Variants in PUM3 observed in about 807,000 individuals in gnomAD.
PUM3 encodes the protein pumilio homolog 3.
In PUM3, 91 loss-of-function variants were observed where a neutral mutation model predicts 84.0. The observed-to-expected ratio is 1.08, with a 90% CI of 0.91 to 1.29. The LOEUF (loss-of-function observed/expected upper bound fraction) is 1.29, where lower values mean the gene tolerates loss of function less well. Ranked by LOEUF, PUM3 falls within the 50% of genes most tolerant of loss-of-function variation. PUM3 has a pLI of 0.00. For synonymous variants in PUM3, 321 were observed against 266.7 expected (o/e 1.20, Z -1.98); for missense variants, 1,067 against 767.5 (o/e 1.39, Z -4.61).
At position 2,831,287 on chromosome 9, in the gene PUM3, C is replaced by T. The variant is rs1228241840; in HGVS notation, c.574G>A (p.Glu192Lys). ...VIQCYIQYGN[E>K]EQRKQAFEEL... ...TCAAAAGCCTGTTTTCTCTGTTCTT[C>T]ATTACCATACTGAATGTAACACTGG... The change falls in exon 6 of 18, where the codon GAA becomes AAA. Residue 192 changes from glutamate to lysine, a missense_variant. Physicochemically the swap from Glu to Lys is moderately conservative, Grantham distance 56 (BLOSUM62 1). Transcript: ENST00000397885. The T allele has an allele frequency of 6.2e-7, 1 of 1,609,608 alleles. No homozygotes were observed. Among genetic ancestry groups the T allele is most frequent in the Non-Finnish European group, 8.5e-7 (1 of 1,177,986 alleles).
intron 8 of PUM3, among the ~76,000 whole-genome samples, chr9:2,829,228 T>G (rs1815907303): frequency 6.6e-6 from 1 of 152,224 alleles, no homozygotes; most frequent in South Asian, 2.1e-4. Flanking sequence ...GACACATGTG[T>G]GCATTTATGT....
At position 2,824,742 on chromosome 9, in the gene PUM3, T is replaced by A. The variant is rs769466046; in HGVS notation, c.1109A>T (p.His370Leu). 4.4e-6 allele frequency: 7 copies of A among 1,581,448 alleles called. No homozygotes were observed. Among genetic ancestry groups the A allele is most frequent in the Middle Eastern group, 1.7e-4 (1 of 5,986 alleles). ...HTHDGARVAMHCLWHGTPKDR... is the reference protein window; with the variant it reads ...HTHDGARVAMLCLWHGTPKDR... Reference sequence around the variant, plus strand: ...CTTGGGCGTGCCATGCCACAGGCAGTGCATGGCCACTCTGGCGCCATCGTG... The same window carrying A: ...CTTGGGCGTGCCATGCCACAGGCAGAGCATGGCCACTCTGGCGCCATCGTG... The change falls in exon 11 of 18, where the codon CAC becomes CTC. Residue 370 changes from histidine (H) to leucine (L), a missense_variant. His to Leu is a moderately conservative substitution (Grantham distance 99). Transcript: ENST00000397885.
intron 13 of PUM3, among the ~76,000 whole-genome samples, chr9:2,814,898 A>G (rs1166610312): frequency 6.6e-6 from 1 of 152,154 alleles, no homozygotes; most frequent in African/African-American, 2.4e-5. Context: ...TCCTTGGTAT[A>G]GGGAGGAGGC....
chr9:2,817,240 T>C (rs1225279183), intron 13 of PUM3, among the ~76,000 whole-genome samples: 1 of 152,242 alleles, frequency 6.6e-6, no homozygotes. Flanking sequence ...TATAGTCACA[T>C]GTAATAGAAT....
intron 14 of PUM3, 129 bp downstream of exon 14, chr9:2,812,091 C>G: frequency 1.3e-6 from 1 of 791,674 alleles, no homozygotes; most frequent in South Asian, 1.6e-5. Flanking sequence ...AAAATATAGG[C>G]TTGAAAATGG....
intron 5 of PUM3, among the ~76,000 whole-genome samples, chr9:2,831,557 CATTGAGGCAAGGATAA>C (rs1254194763): frequency 6.6e-6 from 1 of 152,130 alleles, no homozygotes; most frequent in Non-Finnish European, 1.5e-5. Context: ...ACAATAATGA[CATTGAGGCAAGGATAA>C]ATTTAACCAT....
At chr9:2,843,852 A>G (rs1234287882) in intron 1 of PUM3, among the ~76,000 whole-genome samples, 193 bp downstream of exon 1, 1 of 151,820 alleles carries the variant, frequency 6.6e-6, no homozygotes, top group Non-Finnish European at 1.5e-5. Flanking sequence ...TGCTGGGATT[A>G]CAGGCGTGAG....
At chr9:2,837,060 C>G (rs1816141620) in intron 3 of PUM3, 120 bp downstream of exon 3, 1 of 805,556 alleles carries the variant, frequency 1.2e-6, no homozygotes, top group Non-Finnish European at 2.1e-6. Flanking sequence ...TTTAAGCCAC[C>G]TACCTGTCCC....
Position 2,804,222 on chromosome 9 carries a change from C to G in PUM3, c.*109G>C. 1 of 1,061,560 alleles carries G rather than the reference C, an allele frequency of 9.4e-7. No homozygotes were observed. The highest frequency in any genetic ancestry group is 1.7e-5 in the South Asian group (1 of 60,052). The allele number at this position is 1,061,560 out of a possible 1,614,324, so 65.8% of individuals were successfully genotyped here. Reference sequence around the variant, plus strand: ...CGTATACAAAGAAGAAACACATATACAGAGTACCCCAATTACCAGTATGGT... The same window carrying G: ...CGTATACAAAGAAGAAACACATATAGAGAGTACCCCAATTACCAGTATGGT... On this transcript the variant is annotated 3_prime_UTR_variant, in exon 18 of 18. Coordinates refer to ENST00000397885, the MANE Select transcript of PUM3 (RefSeq NM_014878.5).
chr9:2,808,663 G>A (rs567543057), intron 16 of PUM3, among the ~76,000 whole-genome samples: 1 of 152,286 alleles, frequency 6.6e-6, no homozygotes, highest in African/African-American at 2.4e-5. Flanking sequence ...AGAGGCCTAT[G>A]GCTATTCAGC....
At position 2,818,700 on chromosome 9, in the gene PUM3, A is replaced by G. The variant is rs187056797; in HGVS notation, c.1269+1318T>C. On this transcript the variant is annotated intron_variant, in intron 13 of 17. Transcript: ENST00000397885. ...CAAAATACTCAGTTTGTAACATGAA[A>G]GTCTTGCCAACTTGTTTCTTCCCAC... Among the ~76,000 whole-genome samples, 1,461 of 152,332 alleles carry G rather than the reference A, an allele frequency of 9.6e-3. 17 individuals are homozygous for G. Among genetic ancestry groups the G allele is most frequent in the Middle Eastern group, 0.037 (11 of 294 alleles).
At chr9:2,814,813 A>T (rs1186191279) in intron 13 of PUM3, among the ~76,000 whole-genome samples, 2 of 152,234 alleles carry the variant, frequency 1.3e-5, no homozygotes, top group African/African-American at 4.8e-5. Flanking sequence ...ACAAAACCAA[A>T]ACAAAACAAA....
intron 2 of PUM3, among the ~76,000 whole-genome samples, chr9:2,837,620 A>T (rs1816163084): frequency 6.6e-6 from 1 of 152,188 alleles, no homozygotes; most frequent in Non-Finnish European, 1.5e-5. Flanking sequence ...GAGAGTAGAG[A>T]AATGTAAAAT....
intron 17 of PUM3, among the ~76,000 whole-genome samples, chr9:2,805,072 T>C (rs943041798): frequency 1.3e-5 from 2 of 152,186 alleles, no homozygotes; most frequent in Non-Finnish European, 1.5e-5. Context: ...AAGAGCATGC[T>C]ATGTAAACTC....
Position 2,827,115 on chromosome 9 carries a change from T to G in PUM3, c.993A>C (p.Val331=), listed in dbSNP as rs1050712996. 5 of 1,609,986 alleles carry G rather than the reference T, an allele frequency of 3.1e-6. No individual in the cohort carries two copies. In the Middle Eastern group the frequency reaches 5.0e-4, roughly 160 times the overall value. The change falls in exon 10 of 18, where the codon GTA becomes GTC. Residue 331 remains valine (V), a synonymous_variant. Coordinates refer to ENST00000397885, the MANE Select transcript of PUM3 (RefSeq NM_014878.5). The part of the protein sequence containing the change: ...AVIKHSLVHK[V]FLDFFTYAPP... ...GTGCATAGGTAAAAAAGTCCAAGAA[T>G]ACTTTATGCACCAATGAGTGCTTAA...
intron 12 of PUM3, 65 bp from the exon 13 acceptor site, chr9:2,820,163 C>T (rs1215866028): frequency 5.2e-6 from 4 of 765,580 alleles, no homozygotes; most frequent in Non-Finnish European, 8.8e-6. Context: ...TTATTTCACA[C>T]ATGGAATATC....
Position 2,810,333 on chromosome 9 carries a change from T to C in PUM3, c.1723+11A>G. On this transcript the variant is annotated intron_variant, in intron 16 of 17. Transcript: ENST00000397885. ...ATGAGATACAAGAAAAGGTCAAATT[T>C]CATAGCCTACCTTCTCTCCCATTTT... 1 of 1,566,866 alleles carries C rather than the reference T, an allele frequency of 6.4e-7. No homozygotes were observed. The highest frequency in any genetic ancestry group is 1.1e-5 in the South Asian group (1 of 89,876).
intron 3 of PUM3, among the ~76,000 whole-genome samples, chr9:2,834,843 ACTT>A (rs1439773769): frequency 6.7e-6 from 1 of 148,772 alleles, no homozygotes; most frequent in Non-Finnish European, 1.5e-5. Flanking sequence ...ATCTATCACC[ACTT>A]TTTTGTCTTC....
At position 2,804,861 on chromosome 9, in the gene PUM3, T is replaced by G. The variant is rs552759717; in HGVS notation, c.1815-398A>C. ...ATTTTATTTATTTCATGATGCTACA[T>G]TTACAGAGCAGACAGCCAAAATATG... On this transcript the variant is annotated intron_variant, in intron 17 of 17. Transcript: ENST00000397885. Among the ~76,000 whole-genome samples the G allele has an allele frequency of 2.6e-5, 4 of 152,308 alleles. No homozygotes were observed. In the East Asian group the frequency reaches 7.7e-4, roughly 29 times the overall value.
Sources: gnomAD v4.1 joint callset for allele counts (sites outside exome capture counted in the v4.1 genomes callset) on GRCh38, gnomAD v4.1.1 for gene constraint, MANE v1.5 for transcripts, NCBI Gene and HGNC (gene_info 2026-07-23, HGNC 2026-07-21) for gene names.